The following NECTIN3 variants were observed in gnomAD, a reference collection of about 807,000 sequenced individuals.
NECTIN3 encodes the protein nectin cell adhesion molecule 3, also known as nectin-3.
In NECTIN3, 8 loss-of-function variants were observed where a neutral mutation model predicts 49.4. The ratio of observed to expected loss-of-function variants is 0.16; its 90% CI spans 0.10 to 0.29. The LOEUF (loss-of-function observed/expected upper bound fraction) is 0.29, where lower values mean the gene tolerates loss of function less well. Among genes scored for constraint, NECTIN3 ranks in the 10% least tolerant of loss-of-function variants. The pLI is 1.00. For synonymous variants in NECTIN3, 277 were observed against 241.1 expected, an observed-to-expected ratio of 1.15 and a Z score of -1.38; for missense variants, 581 against 654.6, an observed-to-expected ratio of 0.89 and a Z score of 1.23.
chr3:111,147,435 C>T, exon 7 of NECTIN3: 1 of 1,533,606 alleles, frequency 6.5e-7, no homozygotes, highest in Non-Finnish European at 8.7e-7. Context: ...AAACCACCTC[C>T]TCTGTATGAA....
upstream of NECTIN3, among the ~76,000 whole-genome samples, chr3:111,187,532 A>G (rs972702960): frequency 6.6e-6 from 1 of 152,238 alleles, no homozygotes; most frequent in Non-Finnish European, 1.5e-5. Flanking sequence ...TAGCAGCTCA[A>G]TTCATAATTT....
At chr3:111,097,253 G>C (rs935874738) in intron 1 of NECTIN3, among the ~76,000 whole-genome samples, 1 of 152,098 alleles carries the variant, frequency 6.6e-6, no homozygotes, top group Non-Finnish European at 1.5e-5. Flanking sequence ...CTTTGTTTTG[G>C]CCAGTGTCTT....
intron 7 of NECTIN3, among the ~76,000 whole-genome samples, chr3:111,154,102 A>G (rs2035052346): frequency 6.6e-6 from 1 of 152,170 alleles, no homozygotes; most frequent in Non-Finnish European, 1.5e-5. Context: ...CACCACGATC[A>G]AAATATTGTA....
At chr3:111,122,415 T>C (rs1438272399) in intron 4 of NECTIN3, among the ~76,000 whole-genome samples, 177 bp downstream of exon 4, 1 of 152,100 alleles carries the variant, frequency 6.6e-6, no homozygotes, top group African/African-American at 2.4e-5. Context: ...TCAGTTCTGA[T>C]CTTTAGAGGC....
At chr3:111,142,053 A>G (rs891609743), downstream of NECTIN3, among the ~76,000 whole-genome samples, 4 of 151,876 alleles carry the variant, frequency 2.6e-5, no homozygotes, top group Non-Finnish European at 5.9e-5. Context: ...GGGCTGAGAT[A>G]TGTGCGAAAC....
At chr3:111,143,658 A>G (rs1342062115) in intron 5 of NECTIN3, among the ~76,000 whole-genome samples, 2 of 151,946 alleles carry the variant, frequency 1.3e-5, no homozygotes, top group African/African-American at 2.4e-5. Context: ...CAATTATTGC[A>G]GTTATTTAAG....
At chr3:111,193,306 G>A (rs762022230) in intron 1 of NECTIN3, 25 of 1,535,646 alleles carry the variant, frequency 1.6e-5, no homozygotes, top group Admixed American at 9.8e-5. Flanking sequence ...TACCAAGACC[G>A]GAGCCCTGGC....
intron 7 of NECTIN3, among the ~76,000 whole-genome samples, chr3:111,162,671 C>T (rs2035237912): frequency 6.6e-6 from 1 of 152,136 alleles, no homozygotes. Flanking sequence ...GTATACAGAA[C>T]CACAGCCAAC....
intron 1 of NECTIN3, among the ~76,000 whole-genome samples, chr3:111,089,511 A>G (rs1008287153): frequency 2.0e-5 from 3 of 151,802 alleles, no homozygotes; most frequent in Non-Finnish European, 4.4e-5. Context: ...TCCCATGTGT[A>G]TTCAGTTCAG....
At chr3:111,091,732 G>C (rs1310580099) in intron 1 of NECTIN3, among the ~76,000 whole-genome samples, 1 of 152,074 alleles carries the variant, frequency 6.6e-6, no homozygotes, top group East Asian at 1.9e-4. Context: ...TTTCTGCTTT[G>C]GGGTTATTAT....
At chr3:111,122,098 C>A in intron 3 of NECTIN3, 23 bp from the exon 4 acceptor site, 1 of 1,428,316 alleles carries the variant, frequency 7.0e-7, no homozygotes, top group South Asian at 1.2e-5. Flanking sequence ...GGTAATCTGT[C>A]CTGTCATGCA....
intron 7 of NECTIN3, among the ~76,000 whole-genome samples, chr3:111,169,597 G>T (rs1179837059): frequency 6.6e-6 from 1 of 152,050 alleles, no homozygotes; most frequent in Admixed American, 6.5e-5. Context: ...AGTTGTTGAT[G>T]ATTATTCCAT....
At chr3:111,179,711 G>C (rs1275548650) in intron 7 of NECTIN3, among the ~76,000 whole-genome samples, 2 of 151,984 alleles carry the variant, frequency 1.3e-5, no homozygotes, top group African/African-American at 2.4e-5. Context: ...TGGCTAACAC[G>C]GTGAAACCCC....
At chr3:111,170,650 G>GT (rs2035417387) in intron 7 of NECTIN3, among the ~76,000 whole-genome samples, 1 of 152,178 alleles carries the variant, frequency 6.6e-6, no homozygotes, top group Non-Finnish European at 1.5e-5. Context: ...AGCATCAGAG[G>GT]TAAGGGGAAC....
rs2034575431 is a variant in NECTIN3 at position 111,136,362 on chromosome 3, G to C, written c.*2147G>C. On this transcript the variant is annotated 3_prime_UTR_variant, in exon 6 of 6. Coordinates refer to ENST00000485303, the MANE Select transcript of NECTIN3 (RefSeq NM_015480.3). ...TTTGTGCGATTAGGTTTTTTTGTTT[G>C]TTTCTTTTGTGTTTGTTTGGCGGGA... The C allele has an allele frequency of 2.0e-6, 2 of 984,484 alleles. No homozygotes were observed. Among genetic ancestry groups the C allele is most frequent in the African/African-American group, 3.5e-5 (2 of 57,188 alleles). The allele number at this position is 984,484 out of a possible 1,614,324, so 61.0% of individuals were successfully genotyped here. A position where few individuals can be genotyped will look rare whatever the true frequency, so the allele number is the denominator to read the frequency against.
rs181445212 is a variant in NECTIN3, at chr3:111,134,406, T to G, written c.*191T>G. The G allele has an allele frequency of 7.5e-7, 1 of 1,328,150 alleles. No individual in the cohort carries two copies. The highest frequency in any genetic ancestry group is 9.6e-7 in the Non-Finnish European group (1 of 1,042,138). The allele number at this position is 1,328,150 out of a possible 1,614,324, so 82.3% of individuals were successfully genotyped here. A position where few individuals can be genotyped will look rare whatever the true frequency, so the allele number is the denominator to read the frequency against. ...AGTGTATCTAAGCTGCTTTACAATT[T>G]TTTTTCAATGCTGTACTACTGTCTC... On this transcript the variant is annotated 3_prime_UTR_variant, in exon 6 of 6. Transcript: ENST00000485303.
At chr3:111,154,410 C>A (rs2035058562) in intron 7 of NECTIN3, among the ~76,000 whole-genome samples, 1 of 152,130 alleles carries the variant, frequency 6.6e-6, no homozygotes, top group South Asian at 2.1e-4. Flanking sequence ...TCTGTTGATG[C>A]ACATTTTTGT....
At chr3:111,102,438 C>G (rs531038693) in intron 1 of NECTIN3, among the ~76,000 whole-genome samples, 1 of 152,334 alleles carries the variant, frequency 6.6e-6, no homozygotes, top group Admixed American at 6.5e-5. Context: ...AAAACCACAT[C>G]AACTCCCTTG....
chr3:111,150,514 A>AAT (rs1156401813), intron 7 of NECTIN3, among the ~76,000 whole-genome samples: 1 of 151,976 alleles, frequency 6.6e-6, no homozygotes, highest in Non-Finnish European at 1.5e-5. Context: ...GATGAAATGT[A>AAT]ATATATGCAT....
Sources: gnomAD v4.1 joint callset for allele counts (sites outside exome capture counted in the v4.1 genomes callset) on GRCh38, gnomAD v4.1.1 for gene constraint, MANE v1.5 for transcripts, NCBI Gene and HGNC (gene_info 2026-07-23, HGNC 2026-07-21) for gene names.